The following CD82 variants were observed in gnomAD, a reference collection of about 807,000 sequenced individuals.
The protein encoded by CD82 is CD82 antigen.
A neutral mutation model predicts 37.4 loss-of-function variants in CD82; 36 were observed. That is an observed-to-expected ratio of 0.96 (90% CI 0.74 to 1.27). CD82 has a LOEUF of 1.27. Among genes scored for constraint, CD82 ranks in the 50% most tolerant of loss-of-function variants. The pLI is 0.00. For synonymous variants in CD82, 158 were observed against 137.4 expected (o/e 1.15, Z -1.05); for missense variants, 340 against 347.0 (o/e 0.98, Z 0.16).
intron 6 of CD82, among the ~76,000 whole-genome samples, chr11:44,608,647 A>T (rs1853434302): frequency 6.6e-6 from 1 of 152,254 alleles, no homozygotes; most frequent in Non-Finnish European, 1.5e-5. Flanking sequence ...ATCCAAAGAA[A>T]CACTTTAAAA....
chr11:44,587,327 G>A, intron 1 of CD82, 148 bp from the exon 2 acceptor site: 1 of 420,238 alleles, frequency 2.4e-6, no homozygotes. Context: ...ACATGAGCCT[G>A]TGGGGGGAAG....
In CD82 at chr11:44,618,157, C is replaced by T. The variant is rs1853592190; in HGVS notation, c.439-5C>T. 2 of 1,613,542 alleles carry T rather than the reference C, an allele frequency of 1.2e-6. No homozygotes were observed. The highest frequency in any genetic ancestry group is 1.7e-5 in the Admixed American group (1 of 59,986). The stretch of plus-strand genomic sequence containing the variant: ...CACAAGCAGTCTGTCCCCTGCCTTG[C>T]CCAGGTGAAGTGCTGCGGCTGGGTC... On this transcript the variant is annotated splice_region_variant and splice_polypyrimidine_tract_variant and intron_variant, in intron 7 of 9. Coordinates refer to ENST00000227155, the MANE Select transcript of CD82 (RefSeq NM_002231.4).
intron 6 of CD82, among the ~76,000 whole-genome samples, chr11:44,609,041 C>T (rs1853442141): frequency 6.6e-6 from 1 of 152,240 alleles, no homozygotes; most frequent in South Asian, 2.1e-4. Context: ...GGCAGCTGTT[C>T]CTGCTGCCCT....
chr11:44,613,921 C>T (rs974395804), intron 6 of CD82, among the ~76,000 whole-genome samples: 5 of 152,012 alleles, frequency 3.3e-5, no homozygotes, highest in East Asian at 1.9e-4. Context: ...CCTCACACTC[C>T]GGCTGGCTGG....
intron 1 of CD82, chr11:44,587,110 T>G (rs916372876): frequency 1.0e-5 from 3 of 287,900 alleles, no homozygotes; most frequent in Admixed American, 4.2e-5. Flanking sequence ...CCTATGTTGA[T>G]TGTAATGAGG....
chr11:44,594,545 T>C, intron 2 of CD82, 98 bp from the exon 3 acceptor site: 1 of 774,180 alleles, frequency 1.3e-6, no homozygotes, highest in East Asian at 2.4e-5. Flanking sequence ...CTCTGCATCC[T>C]CTAAGGCAGG....
chr11:44,595,413 G>T (rs1397168864), intron 3 of CD82, among the ~76,000 whole-genome samples: 3 of 152,088 alleles, frequency 2.0e-5, no homozygotes, highest in Non-Finnish European at 2.9e-5. Flanking sequence ...GTGTGTTGTT[G>T]GGGGGCAGTG....
rs561013237 is a variant in CD82 at position 44,603,664 on chromosome 11, T to C, written c.137-1394T>C. ...CGCCCTCCAGGTGCGTCCCATGCCCTGGGGGTACAGTGTACCCATGCTGGT... is the reference window on the plus strand; with the variant it reads ...CGCCCTCCAGGTGCGTCCCATGCCCCGGGGGTACAGTGTACCCATGCTGGT... On this transcript the variant is annotated intron_variant, in intron 4 of 9. Transcript: ENST00000227155. Among the ~76,000 whole-genome samples the C allele has an allele frequency of 5.3e-5, 8 of 152,300 alleles. No homozygotes were observed. In the South Asian group the frequency reaches 1.7e-3, roughly 32 times the overall value.
chr11:44,589,979 G>A (rs544678063), intron 2 of CD82, among the ~76,000 whole-genome samples: 6 of 152,118 alleles, frequency 3.9e-5, no homozygotes, highest in East Asian at 3.9e-4. Context: ...GACTACAGGC[G>A]CCCGCCACCA....
At chr11:44,603,188 G>A (rs762083358) in intron 4 of CD82, among the ~76,000 whole-genome samples, 4 of 152,134 alleles carry the variant, frequency 2.6e-5, no homozygotes, top group African/African-American at 4.8e-5. Context: ...GAAGATCCCC[G>A]CACTCACCCT....
At position 44,619,090 on chromosome 11, in the gene CD82, C is replaced by G. The variant is rs7107335; in HGVS notation, c.768C>G (p.Val256=). Residue 256 remains valine, a synonymous_variant, in exon 10 of 10, where the codon GTC becomes GTG. Coordinates refer to ENST00000227155, the MANE Select transcript of CD82 (RefSeq NM_002231.4). The part of the protein sequence containing the change: ...MVLSICLCRH[V]HSEDYSKVPK... ...TGTCCATCTGCTTGTGCCGGCACGT[C>G]CATTCCGAAGACTACAGCAAGGTCC... The G allele has an allele frequency of 0.19, 306,614 of 1,612,588 alleles. 32,036 individuals carry two copies. The highest frequency in any genetic ancestry group is 0.36 in the East Asian group (15,994 of 44,728).
chr11:44,572,709 C>T (rs1852831164), intron 1 of CD82, among the ~76,000 whole-genome samples: 1 of 152,190 alleles, frequency 6.6e-6, no homozygotes, highest in Non-Finnish European at 1.5e-5. Context: ...AGCTTTTGAA[C>T]AGTAGTTGAG....
intron 4 of CD82, 38 bp downstream of exon 4, chr11:44,600,268 G>A (rs1225971426): frequency 1.3e-6 from 2 of 1,592,302 alleles, no homozygotes; most frequent in Non-Finnish European, 1.7e-6. Flanking sequence ...CAGGCCCACT[G>A]AAGAGGGGAG....
At chr11:44,595,341 C>T (rs1255009596) in intron 3 of CD82, among the ~76,000 whole-genome samples, 1 of 152,178 alleles carries the variant, frequency 6.6e-6, no homozygotes, top group Non-Finnish European at 1.5e-5. Flanking sequence ...CCTCTCTGGC[C>T]TGGCATGGAC....
intron 6 of CD82, among the ~76,000 whole-genome samples, chr11:44,614,601 G>A (rs765064086): frequency 6.6e-6 from 1 of 152,152 alleles, no homozygotes; most frequent in Non-Finnish European, 1.5e-5. Flanking sequence ...AGCATGTAAC[G>A]TCAGTGCTCT....
At chr11:44,589,112 C>T (rs6485546) in intron 2 of CD82, among the ~76,000 whole-genome samples, 112,894 of 152,144 alleles carry the variant, frequency 0.74, 42,266 homozygotes, top group East Asian at 0.92. Context: ...AAAAGTTAGC[C>T]GGGCATGATG....
At chr11:44,573,070 C>T (rs1190506772) in intron 1 of CD82, 3 of 152,254 alleles carry the variant, frequency 2.0e-5, no homozygotes, top group Non-Finnish European at 4.4e-5. Flanking sequence ...CTAAGACGAA[C>T]CAATCATAAG....
intron 1 of CD82, among the ~76,000 whole-genome samples, chr11:44,578,116 AG>A (rs1224590829): frequency 2.0e-5 from 3 of 151,990 alleles, no homozygotes; most frequent in Non-Finnish European, 4.4e-5. Context: ...AGGCGACCTG[AG>A]GGCGGCCTCC....
At position 44,618,281 on chromosome 11, in the gene CD82, T is replaced by C. The variant is rs766762693; in HGVS notation, c.558T>C (p.Leu186=). ...CEVKGEEDNS[L]SVRKGFCEAP... Reference sequence around the variant, plus strand: ...TCAAGGGGGAAGAGGACAACAGCCTTTCTGTGAGGAAGGGCTTCTGCGAGG... The same window carrying C: ...TCAAGGGGGAAGAGGACAACAGCCTCTCTGTGAGGAAGGGCTTCTGCGAGG... Residue 186 remains leucine, a synonymous_variant, in exon 8 of 10, where the codon CTT becomes CTC. Transcript: ENST00000227155. The C allele has an allele frequency of 6.2e-7, 1 of 1,614,004 alleles. No individual in the cohort carries two copies. The highest frequency in any genetic ancestry group is 1.3e-5 in the African/African-American group (1 of 75,018).
Sources: gnomAD v4.1 joint callset for allele counts (sites outside exome capture counted in the v4.1 genomes callset) on GRCh38, gnomAD v4.1.1 for gene constraint, MANE v1.5 for transcripts, NCBI Gene and HGNC (gene_info 2026-07-23, HGNC 2026-07-21) for gene names.